Variants in EMCN observed in about 807,000 individuals in gnomAD.
The protein encoded by EMCN is MUC-14.
A neutral mutation model predicts 38.4 loss-of-function variants in EMCN; 37 were observed. That is an observed-to-expected ratio of 0.96 (90% confidence interval 0.74 to 1.27). EMCN has a LOEUF of 1.27. Among genes scored for constraint, EMCN ranks in the 50% most tolerant of loss-of-function variants. The pLI is 0.00. For missense variants in EMCN, 318 were observed against 302.8 expected (o/e 1.05, Z -0.37); for synonymous variants, 95 against 100.8 (o/e 0.94, Z 0.35).
At chr4:100,428,975 T>C (rs1727127120) in intron 5 of EMCN, among the ~76,000 whole-genome samples, 1 of 152,180 alleles carries the variant, frequency 6.6e-6, no homozygotes, top group Non-Finnish European at 1.5e-5. Flanking sequence ...GCAGAGACTA[T>C]GTTATTGTTT....
At chr4:100,402,510 T>G (rs754108535) in intron 11 of EMCN, among the ~76,000 whole-genome samples, 90 of 152,128 alleles carry the variant, frequency 5.9e-4, no homozygotes, top group Non-Finnish European at 1.2e-3. Context: ...AAATTCAAAG[T>G]ACAGTGATAG....
intron 2 of EMCN, among the ~76,000 whole-genome samples, chr4:100,476,242 TTTCC>T (rs989575966): frequency 4.3e-5 from 6 of 139,568 alleles, no homozygotes; most frequent in Non-Finnish European, 7.9e-5. Flanking sequence ...TCCTTCTTTC[TTTCC>T]TTCCTTCCTT....
At chr4:100,423,783 C>G (rs1726966887) in intron 5 of EMCN, among the ~76,000 whole-genome samples, 1 of 151,802 alleles carries the variant, frequency 6.6e-6, no homozygotes, top group Non-Finnish European at 1.5e-5. Context: ...TTTTTTCTAT[C>G]ACACATAGTT....
intron 4 of EMCN, among the ~76,000 whole-genome samples, chr4:100,463,574 G>T (rs565340178): frequency 1.3e-5 from 2 of 152,158 alleles, no homozygotes; most frequent in South Asian, 4.1e-4. Flanking sequence ...GTAGAGTTGT[G>T]CAACCATCAT....
chr4:100,472,472 T>C (rs1207477393), intron 3 of EMCN, among the ~76,000 whole-genome samples: 2 of 152,110 alleles, frequency 1.3e-5, no homozygotes, highest in Non-Finnish European at 2.9e-5. Context: ...AAGAAGACAT[T>C]GATAAACGGA....
intron 1 of EMCN, among the ~76,000 whole-genome samples, chr4:100,501,716 T>A (rs1729354940): frequency 6.6e-6 from 1 of 152,140 alleles, no homozygotes; most frequent in Non-Finnish European, 1.5e-5. Flanking sequence ...ATTATAATTA[T>A]TTGTAGGTGC....
At chr4:100,516,725 G>T (rs915850411) in intron 1 of EMCN, among the ~76,000 whole-genome samples, 4 of 152,052 alleles carry the variant, frequency 2.6e-5, no homozygotes, top group African/African-American at 9.7e-5. Flanking sequence ...ACATAGAAAT[G>T]ACTGATAAAA....
At chr4:100,486,541 T>C (rs2110287718) in intron 1 of EMCN, among the ~76,000 whole-genome samples, 1 of 152,330 alleles carries the variant, frequency 6.6e-6, no homozygotes, top group East Asian at 1.9e-4. Flanking sequence ...ATGAAATGAC[T>C]TTGGAAGATA....
chr4:100,404,440 T>C (rs764939953), intron 11 of EMCN, among the ~76,000 whole-genome samples: 5 of 152,200 alleles, frequency 3.3e-5, no homozygotes, highest in South Asian at 2.1e-4. Context: ...AGTATCATAC[T>C]GTACTAGTTA....
At chr4:100,430,939 T>G (rs998059347) in intron 5 of EMCN, among the ~76,000 whole-genome samples, 1 of 152,190 alleles carries the variant, frequency 6.6e-6, no homozygotes, top group Non-Finnish European at 1.5e-5. Flanking sequence ...GGATCCTAAC[T>G]AAACGACAAT....
intron 3 of EMCN, among the ~76,000 whole-genome samples, chr4:100,470,898 C>A (rs1578215372): frequency 6.6e-6 from 1 of 151,762 alleles, no homozygotes; most frequent in Admixed American, 6.6e-5. Flanking sequence ...AAATACTTTG[C>A]AGTAAATGAA....
At chr4:100,512,866 G>A (rs1469408449) in intron 1 of EMCN, among the ~76,000 whole-genome samples, 1 of 151,338 alleles carries the variant, frequency 6.6e-6, no homozygotes, top group Non-Finnish European at 1.5e-5. Flanking sequence ...TGCATCTCAT[G>A]TTGTTCTTAA....
At chr4:100,512,257 T>C (rs958557294) in intron 1 of EMCN, among the ~76,000 whole-genome samples, 2 of 152,212 alleles carry the variant, frequency 1.3e-5, no homozygotes, top group Non-Finnish European at 2.9e-5. Context: ...ATGAAACCTC[T>C]ATTCAAGTTT....
intron 5 of EMCN, among the ~76,000 whole-genome samples, chr4:100,443,790 G>A (rs187899245): frequency 4.6e-5 from 7 of 152,314 alleles, no homozygotes; most frequent in Non-Finnish European, 7.3e-5. Context: ...TAGGCCCAGA[G>A]TGCTGAAATA....
intron 1 of EMCN, among the ~76,000 whole-genome samples, chr4:100,484,005 C>T (rs191938906): frequency 1.1e-4 from 17 of 152,212 alleles, no homozygotes; most frequent in Admixed American, 1.1e-3. Context: ...GTAAGAGAAA[C>T]AGATGGTATT....
At chr4:100,417,554 T>A (rs1277774421) in intron 8 of EMCN, among the ~76,000 whole-genome samples, 1 of 152,202 alleles carries the variant, frequency 6.6e-6, no homozygotes, top group East Asian at 1.9e-4. Context: ...TATACATTGT[T>A]CTTTTTTGGG....
intron 4 of EMCN, among the ~76,000 whole-genome samples, chr4:100,453,403 C>G (rs1422241857): frequency 6.6e-6 from 1 of 152,118 alleles, no homozygotes; most frequent in African/African-American, 2.4e-5. Flanking sequence ...TTTATGCAGC[C>G]AAAAGACACA....
At chr4:100,407,091 C>T (rs1386878542) in intron 11 of EMCN, among the ~76,000 whole-genome samples, 2 of 152,012 alleles carry the variant, frequency 1.3e-5, no homozygotes, top group Non-Finnish European at 2.9e-5. Flanking sequence ...TTTCTCCATC[C>T]CTTTACTCTG....
chr4:100,414,446 A>T (rs530158439), intron 10 of EMCN, among the ~76,000 whole-genome samples: 2 of 149,382 alleles, frequency 1.3e-5, no homozygotes, highest in South Asian at 2.1e-4. Context: ...CCAGGAGAAA[A>T]CTGTGAGTGG....
Sources: allele counts gnomAD v4.1 joint callset (sites outside exome capture counted in the v4.1 genomes callset), GRCh38; gene constraint gnomAD v4.1.1; transcripts MANE v1.5; gene names NCBI Gene and HGNC (gene_info 2026-07-23, HGNC 2026-07-21).